LRP1B: variants seen among roughly 807,000 people sequenced by gnomAD.
The protein encoded by LRP1B is low-density lipoprotein receptor-related protein 1B.
In LRP1B, 217 loss-of-function variants were observed where a neutral mutation model predicts 556.6. The ratio of observed to expected loss-of-function variants is 0.39; its 90% CI spans 0.35 to 0.44. The LOEUF (loss-of-function observed/expected upper bound fraction) is 0.44, where lower values mean the gene tolerates loss of function less well. LRP1B is among the 20% of genes least tolerant of loss of function. LRP1B has a pLI of 1.00. For synonymous variants in LRP1B, 2,047 were observed against 1,865.8 expected (o/e 1.10, Z -2.50); for missense variants, 5,053 against 5,620.8 (o/e 0.90, Z 3.23).
rs1369040336 is a variant in LRP1B, at chr2:141,656,566, TA to T, written c.205+153712del. Among the ~76,000 whole-genome samples, 4 of 152,262 alleles carry T rather than the reference TA, an allele frequency of 2.6e-5. No individual in the cohort carries two copies. In the East Asian group the frequency reaches 7.7e-4, roughly 29 times the overall value. ...TGGTATTGATTTAAACGTTGCTAAT[TA>T]AATGATAGTTTTATTCTCTCAGTAA... On this transcript the variant is annotated intron_variant, in intron 2 of 90. Coordinates refer to ENST00000389484, the MANE Select transcript of LRP1B (RefSeq NM_018557.3).
intron 2 of LRP1B, among the ~76,000 whole-genome samples, chr2:141,704,656 A>T (rs546475911): frequency 6.6e-6 from 1 of 151,940 alleles, no homozygotes; most frequent in Non-Finnish European, 1.5e-5. Flanking sequence ...TAAGCTTAGC[A>T]GTCATCTCAG....
intron 3 of LRP1B, among the ~76,000 whole-genome samples, chr2:141,478,743 T>G (rs1682807651): frequency 6.6e-6 from 1 of 151,926 alleles, no homozygotes; most frequent in Non-Finnish European, 1.5e-5. Flanking sequence ...CAGGGTTTCA[T>G]CACGTTGGCC....
intron 3 of LRP1B, among the ~76,000 whole-genome samples, chr2:141,331,244 T>C (rs564642591): frequency 2.7e-4 from 41 of 152,316 alleles, no homozygotes; most frequent in African/African-American, 9.9e-4. Context: ...TGATGGTAAC[T>C]GCTAATCTGA....
intron 2 of LRP1B, among the ~76,000 whole-genome samples, chr2:141,655,062 T>A (rs1206291165): frequency 6.6e-6 from 1 of 152,180 alleles, no homozygotes; most frequent in Non-Finnish European, 1.5e-5. Context: ...TTTGTGGAAA[T>A]ACTCTATTCT....
intron 3 of LRP1B, among the ~76,000 whole-genome samples, chr2:141,423,292 T>C (rs923602877): frequency 0.042 from 3,363 of 79,300 alleles, 220 homozygotes; most frequent in African/African-American, 0.12. Context: ...AGCCAGAGCT[T>C]TTTTTTTTTT....
intron 41 of LRP1B, among the ~76,000 whole-genome samples, chr2:140,627,876 G>A (rs1039618997): frequency 6.6e-6 from 1 of 151,138 alleles, no homozygotes; most frequent in Admixed American, 6.6e-5. Flanking sequence ...GAGTTAAATG[G>A]CAAAAGGATA....
intron 35 of LRP1B, among the ~76,000 whole-genome samples, chr2:140,718,008 T>G (rs962876315): frequency 1.3e-4 from 20 of 152,102 alleles, no homozygotes; most frequent in Admixed American, 1.3e-3. Flanking sequence ...AATTCACATT[T>G]TTTCATTATT....
At chr2:140,325,582 G>A (rs1680430843) in intron 80 of LRP1B, among the ~76,000 whole-genome samples, 180 bp downstream of exon 80, 1 of 152,032 alleles carries the variant, frequency 6.6e-6, no homozygotes, top group African/African-American at 2.4e-5. Context: ...TTCTGCCCTG[G>A]CCTCTATTTT....
intron 31 of LRP1B, among the ~76,000 whole-genome samples, chr2:140,821,448 A>C (rs1313336751): frequency 3.3e-5 from 5 of 152,204 alleles, no homozygotes; most frequent in African/African-American, 1.2e-4. Flanking sequence ...CTTCCTACAT[A>C]ATAAAAGTGA....
chr2:140,814,200 A>G (rs1398539722), intron 31 of LRP1B, among the ~76,000 whole-genome samples: 2 of 151,694 alleles, frequency 1.3e-5, no homozygotes, highest in African/African-American at 4.8e-5. Context: ...CTGGTCTTGA[A>G]CTCCTGGGCT....
At chr2:141,341,280 C>T (rs1487595629) in intron 3 of LRP1B, among the ~76,000 whole-genome samples, 5 of 152,144 alleles carry the variant, frequency 3.3e-5, no homozygotes, top group Admixed American at 6.5e-5. Context: ...ATGTCATACC[C>T]ATGTATGGAA....
intron 31 of LRP1B, among the ~76,000 whole-genome samples, chr2:140,837,881 C>T (rs1039264997): frequency 1.3e-5 from 2 of 152,082 alleles, no homozygotes; most frequent in South Asian, 2.1e-4. Flanking sequence ...CAACATGGCA[C>T]GTGTATACAC....
intron 35 of LRP1B, among the ~76,000 whole-genome samples, chr2:140,719,295 T>TATAC (rs1404179098): frequency 6.6e-6 from 1 of 151,964 alleles, no homozygotes; most frequent in Non-Finnish European, 1.5e-5. Context: ...GAACAGAAGG[T>TATAC]ATACACATGA....
At chr2:142,036,704 G>A (rs1413436501) in intron 1 of LRP1B, among the ~76,000 whole-genome samples, 6 of 151,564 alleles carry the variant, frequency 4.0e-5, no homozygotes, top group Non-Finnish European at 8.9e-5. Flanking sequence ...CTGCTTTCCT[G>A]AGTTAAATAT....
intron 35 of LRP1B, among the ~76,000 whole-genome samples, chr2:140,757,596 A>C (rs1688780166): frequency 6.6e-6 from 1 of 152,236 alleles, no homozygotes; most frequent in Non-Finnish European, 1.5e-5. Context: ...AGAGACAGAA[A>C]GCAGGCTAGA....
At chr2:140,579,698 C>T (rs944265785) in intron 43 of LRP1B, among the ~76,000 whole-genome samples, 2 of 151,974 alleles carry the variant, frequency 1.3e-5, no homozygotes, top group African/African-American at 2.4e-5. Flanking sequence ...AAAAATCAGC[C>T]GGGCGTGATA....
chr2:141,553,234 A>G (rs527698742), intron 2 of LRP1B, among the ~76,000 whole-genome samples: 314 of 152,028 alleles, frequency 2.1e-3, no homozygotes, highest in Non-Finnish European at 3.6e-3. Flanking sequence ...TTCTAAGATC[A>G]ATTTCAATTT....
intron 5 of LRP1B, among the ~76,000 whole-genome samples, chr2:141,231,388 C>T (rs534207162): frequency 5.3e-5 from 8 of 152,148 alleles, no homozygotes; most frequent in Non-Finnish European, 1.2e-4. Flanking sequence ...GCATTTTTAT[C>T]CCCATCATGC....
At chr2:141,539,243 G>T (rs1206267045) in intron 2 of LRP1B, among the ~76,000 whole-genome samples, 1 of 152,018 alleles carries the variant, frequency 6.6e-6, no homozygotes, top group Non-Finnish European at 1.5e-5. Context: ...GTACTACAGT[G>T]GTGCCGGCTG....
Sources: gnomAD v4.1 joint callset for allele counts (sites outside exome capture counted in the v4.1 genomes callset) on GRCh38, gnomAD v4.1.1 for gene constraint, MANE v1.5 for transcripts, NCBI Gene and HGNC (gene_info 2026-07-23, HGNC 2026-07-21) for gene names.